Variants in TMEM132D observed in about 807,000 individuals in gnomAD.
The protein encoded by TMEM132D is transmembrane protein 132D.
In TMEM132D, 21 loss-of-function variants were observed where a neutral mutation model predicts 62.3. The ratio of observed to expected loss-of-function variants is 0.34; its 90% CI spans 0.24 to 0.49. The LOEUF (loss-of-function observed/expected upper bound fraction) is 0.49. Ranked by LOEUF, TMEM132D falls within the 20% of genes least tolerant of loss-of-function variation. The pLI is 0.99. For missense variants in TMEM132D, 1,346 were observed against 1,402.8 expected, an observed-to-expected ratio of 0.96 and a Z score of 0.65; for synonymous variants, 621 against 575.6, an observed-to-expected ratio of 1.08 and a Z score of -1.13.
chr12:129,380,666 A>G (rs1173463060), intron 3 of TMEM132D, among the ~76,000 whole-genome samples: 2 of 151,966 alleles, frequency 1.3e-5, no homozygotes, highest in Non-Finnish European at 2.9e-5. Flanking sequence ...TGGCAGTTCT[A>G]TCCCCACAAG....
chr12:129,308,673 T>C (rs923485569), intron 4 of TMEM132D, among the ~76,000 whole-genome samples: 1 of 152,198 alleles, frequency 6.6e-6, no homozygotes, highest in Non-Finnish European at 1.5e-5. Context: ...CTTAAATGAA[T>C]ACTAAAACAC....
chr12:129,695,768 G>A lies in TMEM132D; in HGVS notation c.968+4042C>T, dbSNP rs536161078. Among the ~76,000 whole-genome samples the A allele has an allele frequency of 2.4e-3, 359 of 152,314 alleles. 2 individuals are homozygous for A. The highest frequency in any genetic ancestry group is 7.9e-3 in the African/African-American group (328 of 41,578). On this transcript the variant is annotated intron_variant, in intron 2 of 8. Transcript: ENST00000422113. ...ATGGAGGTCTCTGCAGCTTATGTGCGGATAACGAGAGGAACTATTGAAGGA... is the reference window on the plus strand; with the variant it reads ...ATGGAGGTCTCTGCAGCTTATGTGCAGATAACGAGAGGAACTATTGAAGGA...
intron 4 of TMEM132D, among the ~76,000 whole-genome samples, chr12:129,241,208 C>T (rs2135584396): frequency 6.8e-6 from 1 of 146,690 alleles, no homozygotes; most frequent in East Asian, 2.0e-4. Flanking sequence ...ACTTTCCAAT[C>T]AACAAGTGAA....
intron 5 of TMEM132D, among the ~76,000 whole-genome samples, chr12:129,200,562 G>A (rs1302338868): frequency 1.3e-5 from 2 of 152,122 alleles, no homozygotes; most frequent in African/African-American, 4.8e-5. Flanking sequence ...AACTCTTGGG[G>A]TGGGGACAAA....
chr12:129,520,772 C>G (rs983407910), intron 3 of TMEM132D, among the ~76,000 whole-genome samples: 2 of 152,148 alleles, frequency 1.3e-5, no homozygotes, highest in Non-Finnish European at 2.9e-5. Context: ...TCCAATCATC[C>G]TCTCCCATCA....
intron 1 of TMEM132D, among the ~76,000 whole-genome samples, chr12:129,889,383 T>G (rs1327805282): frequency 6.6e-6 from 1 of 152,190 alleles, no homozygotes; most frequent in Non-Finnish European, 1.5e-5. Flanking sequence ...AAATGCATCC[T>G]ACATGGTCCT....
At chr12:129,274,844 G>A (rs1468940595) in intron 4 of TMEM132D, among the ~76,000 whole-genome samples, 7 of 152,138 alleles carry the variant, frequency 4.6e-5, no homozygotes, top group Non-Finnish European at 4.4e-5. Context: ...CCGAGATAGC[G>A]CCACTGCACT....
Position 129,413,261 on chromosome 12 carries a change from G to A in TMEM132D, c.1116-75444C>T, listed in dbSNP as rs545482818. On this transcript the variant is annotated intron_variant, in intron 3 of 8. Coordinates refer to ENST00000422113, the MANE Select transcript of TMEM132D (RefSeq NM_133448.3). ...GCAGTTTCCCCCATACTATTCTTGT[G>A]GTAGTGAATAAGTCTCACAAGATCT... 3.3e-5 allele frequency among the ~76,000 whole-genome samples: 5 copies of A among 152,206 alleles called. No individual in the cohort carries two copies. The East Asian group carries it at 9.7e-4, about 29-fold the overall frequency.
At chr12:129,247,029 C>T (rs777661524) in intron 4 of TMEM132D, among the ~76,000 whole-genome samples, 9 of 152,078 alleles carry the variant, frequency 5.9e-5, no homozygotes, top group African/African-American at 1.4e-4. Flanking sequence ...AGCTATAATA[C>T]GGATTTTCTT....
chr12:129,679,240 ATTTC>A (rs1346659307), intron 2 of TMEM132D, among the ~76,000 whole-genome samples: 4 of 152,008 alleles, frequency 2.6e-5, no homozygotes, highest in East Asian at 1.9e-4. Flanking sequence ...TGGTATATCC[ATTTC>A]TTTAATTTTT....
At position 129,749,452 on chromosome 12, in the gene TMEM132D, GT is replaced by G. The variant is rs1438291280; in HGVS notation, c.80-48755del. 3.0e-5 allele frequency among the ~76,000 whole-genome samples: 4 copies of G among 133,894 alleles called. No homozygotes were observed. In the Admixed American group the frequency reaches 3.5e-4, roughly 12 times the overall value. The allele number at this position is 133,894 out of a possible 152,430, so 87.8% of individuals were successfully genotyped here. On this transcript the variant is annotated intron_variant, in intron 1 of 8. Transcript: ENST00000422113. ...TTAGCATGTTTTGTTTACAAATGAA[GT>G]GAAAAGAATCTTTTTTTTTTTTTTT... is the stretch of plus-strand genomic sequence containing the variant.
At chr12:129,540,323 G>T (rs1322053681) in intron 2 of TMEM132D, among the ~76,000 whole-genome samples, 1 of 151,982 alleles carries the variant, frequency 6.6e-6, no homozygotes, top group Admixed American at 6.6e-5. Flanking sequence ...CGATGGACAG[G>T]GACACCAGCT....
chr12:129,312,793 G>A (rs1434689111), intron 4 of TMEM132D, among the ~76,000 whole-genome samples: 1 of 151,976 alleles, frequency 6.6e-6, no homozygotes, highest in Non-Finnish European at 1.5e-5. Context: ...CATCCCCAAA[G>A]GACATACATT....
intron 5 of TMEM132D, among the ~76,000 whole-genome samples, chr12:129,191,292 G>GACACACAC (rs56128227): frequency 0.27 from 39,446 of 144,968 alleles, 5,418 homozygotes; most frequent in Non-Finnish European, 0.29. Context: ...AGGGAAATAG[G>GACACACAC]ACACACACAC....
rs189675945 is a variant in TMEM132D, at chr12:129,544,672, C to A, written c.969-13467G>T. On this transcript the variant is annotated intron_variant, in intron 2 of 8. Transcript: ENST00000422113. ...TCAGTAAGAACCACTTCTGTTAGCACATTTTTAAAGATAACTTTTCAGTTT... is the reference window on the plus strand; with the variant it reads ...TCAGTAAGAACCACTTCTGTTAGCAAATTTTTAAAGATAACTTTTCAGTTT... Among the ~76,000 whole-genome samples, 191 of 151,878 alleles carry A rather than the reference C, an allele frequency of 1.3e-3. 1 individual carries two copies. Among genetic ancestry groups the A allele is most frequent in the African/African-American group, 4.5e-3 (187 of 41,400 alleles).
At chr12:129,080,917 C>T (rs878976970) in intron 7 of TMEM132D, among the ~76,000 whole-genome samples, 1 of 152,116 alleles carries the variant, frequency 6.6e-6, no homozygotes, top group South Asian at 2.1e-4. Context: ...CACCCGCTCC[C>T]CAGCAGAAGG....
At chr12:129,454,757 T>C (rs1873406873) in intron 3 of TMEM132D, among the ~76,000 whole-genome samples, 2 of 152,228 alleles carry the variant, frequency 1.3e-5, no homozygotes, top group Non-Finnish European at 2.9e-5. Context: ...ATTGACTTTC[T>C]GTCCGTGTCT....
intron 3 of TMEM132D, among the ~76,000 whole-genome samples, chr12:129,360,051 T>A (rs781239385): frequency 2.0e-5 from 3 of 151,364 alleles, no homozygotes; most frequent in Non-Finnish European, 2.9e-5. Flanking sequence ...CCTACAAAAC[T>A]GTCCATAGGA....
chr12:129,819,197 G>A (rs938811743), intron 1 of TMEM132D, among the ~76,000 whole-genome samples: 2 of 151,974 alleles, frequency 1.3e-5, no homozygotes, highest in African/African-American at 4.8e-5. Flanking sequence ...ATTCCATAAA[G>A]ATAGTGAAAT....
Sources: allele counts gnomAD v4.1 joint callset (sites outside exome capture counted in the v4.1 genomes callset), GRCh38; gene constraint gnomAD v4.1.1; transcripts MANE v1.5; gene names NCBI Gene and HGNC (gene_info 2026-07-23, HGNC 2026-07-21).